SLX4IP: variants seen among roughly 807,000 people sequenced by gnomAD.
The protein encoded by SLX4IP is protein SLX4IP.
In SLX4IP, 34 loss-of-function variants were observed where a neutral mutation model predicts 32.9. The observed-to-expected ratio is 1.03, with a 90% CI of 0.79 to 1.38. SLX4IP has a LOEUF of 1.38. Among genes scored for constraint, SLX4IP ranks in the 40% most tolerant of loss-of-function variants. The pLI, the probability that SLX4IP is intolerant of heterozygous loss-of-function variation, is 0.00. For missense variants in SLX4IP, 444 were observed against 479.0 expected (o/e 0.93, Z 0.68); for synonymous variants, 172 against 171.7 (o/e 1.00, Z -0.01).
intron 2 of SLX4IP, among the ~76,000 whole-genome samples, chr20:10,502,374 C>T (rs566180987): frequency 1.2e-4 from 18 of 152,268 alleles, no homozygotes; most frequent in African/African-American, 3.9e-4. Context: ...CATCACTCCT[C>T]GGCTCCAATG....
intron 1 of SLX4IP, among the ~76,000 whole-genome samples, chr20:10,452,530 G>A (rs1439228350): frequency 1.3e-5 from 2 of 151,922 alleles, no homozygotes; most frequent in Non-Finnish European, 2.9e-5. Context: ...GCTGGGCGTG[G>A]TGGCATGCAC....
At position 10,587,836 on chromosome 20, in the gene SLX4IP, A is replaced by C. The variant is rs372689827; in HGVS notation, c.239-10839A>C. ...CTTGGATCTTTATCTTATACCATAC[A>C]CAAAAATTAAAATATATTAAAGTCT... On this transcript the variant is annotated intron_variant, in intron 4 of 7. Transcript: ENST00000334534. Among the ~76,000 whole-genome samples, 7 of 152,164 alleles carry C rather than the reference A, an allele frequency of 4.6e-5. No individual in the cohort carries two copies. The East Asian group carries it at 5.8e-4, about 13-fold the overall frequency.
At chr20:10,583,057 G>A (rs967298827) in intron 4 of SLX4IP, among the ~76,000 whole-genome samples, 4 of 151,952 alleles carry the variant, frequency 2.6e-5, no homozygotes, top group Non-Finnish European at 4.4e-5. Context: ...TACAAAAATA[G>A]GATCATATAA....
At chr20:10,531,671 A>G (rs1305000341) in intron 2 of SLX4IP, among the ~76,000 whole-genome samples, 1 of 152,164 alleles carries the variant, frequency 6.6e-6, no homozygotes, top group African/African-American at 2.4e-5. Flanking sequence ...ACGTGTGACA[A>G]AGAAAATAAA....
intron 2 of SLX4IP, among the ~76,000 whole-genome samples, chr20:10,498,653 G>A (rs965578143): frequency 6.6e-6 from 1 of 150,384 alleles, no homozygotes; most frequent in Admixed American, 6.7e-5. Context: ...GTTCTTTGGT[G>A]CTTGTAGCAA....
rs985972930 is a variant in SLX4IP at position 10,627,738 on chromosome 20, TGTTAATTCTTTGCTTGA to T, written c.*4361_*4377del. 4 of 152,226 alleles carry T rather than the reference TGTTAATTCTTTGCTTGA, an allele frequency of 2.6e-5. No homozygotes were observed. The highest frequency in any genetic ancestry group is 9.7e-5 in the African/African-American group (4 of 41,450). The allele number at this position is 152,226 out of a possible 1,614,324, so 9.4% of individuals were successfully genotyped here. On this transcript the variant is annotated 3_prime_UTR_variant, in exon 8 of 8. Transcript: ENST00000334534. ...TGCCATTACAGTTCCTTATCAAAAA[TGTTAATTCTTTGCTTGA>T]GCAAAAATCAATAAAACCTTATGTT...
At chr20:10,459,644 A>C (rs2065319254) in intron 2 of SLX4IP, among the ~76,000 whole-genome samples, 2 of 152,214 alleles carry the variant, frequency 1.3e-5, no homozygotes, top group Non-Finnish European at 2.9e-5. Context: ...AAAAGAAGTA[A>C]TCAGCAAATT....
At chr20:10,558,189 A>T (rs1046513078) in intron 3 of SLX4IP, among the ~76,000 whole-genome samples, 5 of 151,934 alleles carry the variant, frequency 3.3e-5, no homozygotes, top group African/African-American at 1.2e-4. Context: ...AAAGTATAAA[A>T]ATTAGCCAGA....
intron 2 of SLX4IP, among the ~76,000 whole-genome samples, chr20:10,526,203 A>C (rs1466387188): frequency 5.3e-5 from 8 of 152,210 alleles, no homozygotes; most frequent in Non-Finnish European, 1.0e-4. Flanking sequence ...ACTTGGTAAA[A>C]GCCTAGTCAT....
At chr20:10,517,162 T>C (rs1439941789) in intron 2 of SLX4IP, among the ~76,000 whole-genome samples, 1 of 152,244 alleles carries the variant, frequency 6.6e-6, no homozygotes, top group Non-Finnish European at 1.5e-5. Context: ...CCCCATCTCT[T>C]ACTGGTTCTT....
At chr20:10,589,612 G>A (rs1364909493) in intron 4 of SLX4IP, among the ~76,000 whole-genome samples, 1 of 152,168 alleles carries the variant, frequency 6.6e-6, no homozygotes, top group Non-Finnish European at 1.5e-5. Context: ...GGGATCTTCT[G>A]TTGAATACTC....
intron 2 of SLX4IP, among the ~76,000 whole-genome samples, chr20:10,535,636 T>C (rs1202450180): frequency 1.3e-5 from 2 of 152,144 alleles, no homozygotes; most frequent in Non-Finnish European, 2.9e-5. Flanking sequence ...ACATGTAGTT[T>C]TGTCTAGGGT....
chr20:10,444,195 G>A (rs890999084), intron 1 of SLX4IP, among the ~76,000 whole-genome samples: 1 of 53,516 alleles, frequency 1.9e-5, no homozygotes, highest in Non-Finnish European at 6.2e-5. Context: ...TACTTTAAGA[G>A]GCTGTAGTTG....
intron 1 of SLX4IP, among the ~76,000 whole-genome samples, chr20:10,446,535 A>G (rs1395070841): frequency 9.0e-6 from 1 of 111,488 alleles, no homozygotes; most frequent in Non-Finnish European, 2.1e-5. Flanking sequence ...TAGATTGATA[A>G]GAAACTTCCA....
At chr20:10,562,405 A>G (rs938908791) in intron 4 of SLX4IP, among the ~76,000 whole-genome samples, 1 of 152,044 alleles carries the variant, frequency 6.6e-6, no homozygotes, top group African/African-American at 2.4e-5. Context: ...GCAGAATTTC[A>G]CGTTATCCCG....
At chr20:10,608,441 G>A (rs536138699) in intron 6 of SLX4IP, among the ~76,000 whole-genome samples, 18 of 152,082 alleles carry the variant, frequency 1.2e-4, no homozygotes, top group Admixed American at 3.3e-4. Context: ...CGAGGCGGGC[G>A]GATCACGAGG....
Position 10,623,010 on chromosome 20 carries a change from T to A in SLX4IP, c.858T>A (p.Ser286Arg), listed in dbSNP as rs549576681. 39 of 1,614,100 alleles carry A rather than the reference T, an allele frequency of 2.4e-5. No individual in the cohort carries two copies. The South Asian group carries it at 3.6e-4, about 15-fold the overall frequency. Residue 286 changes from serine (S) to arginine (R), a missense_variant, in exon 8 of 8, where the codon AGT becomes AGA. Transcript: ENST00000334534. ...CESASPCPKQ[S>R]PRVAKTQQKR... Reference sequence around the variant, plus strand: ...CAGCATCACCATGTCCAAAACAAAGTCCACGAGTGGCCAAAACCCAACAGA... The same window carrying A: ...CAGCATCACCATGTCCAAAACAAAGACCACGAGTGGCCAAAACCCAACAGA...
At chr20:10,452,678 A>ATATATATATAT (rs1365793671) in intron 1 of SLX4IP, among the ~76,000 whole-genome samples, 7 of 97,788 alleles carry the variant, frequency 7.2e-5, no homozygotes, top group African/African-American at 2.2e-4. Flanking sequence ...AAAAAAAAAA[A>ATATATATATAT]AAATATATAT....
At chr20:10,609,450 G>T (rs1350825589) in intron 6 of SLX4IP, among the ~76,000 whole-genome samples, 18 of 152,160 alleles carry the variant, frequency 1.2e-4, no homozygotes, top group Admixed American at 1.2e-3. Flanking sequence ...CAGGGAAATG[G>T]CAAGAGCTAT....
Sources: allele counts gnomAD v4.1 joint callset (sites outside exome capture counted in the v4.1 genomes callset), GRCh38; gene constraint gnomAD v4.1.1; transcripts MANE v1.5; gene names NCBI Gene and HGNC (gene_info 2026-07-23, HGNC 2026-07-21).